ANKRD36: variants seen among roughly 807,000 people sequenced by gnomAD.
The protein encoded by ANKRD36 is ankyrin repeat domain-containing protein 36A.
ANKRD36 carries 179 observed loss-of-function variants against 278.1 expected under a neutral mutation model. The observed-to-expected ratio is 0.64, with a 90% CI of 0.57 to 0.73. ANKRD36 has a LOEUF of 0.73. Among genes scored for constraint, ANKRD36 ranks in the 30% least tolerant of loss-of-function variants. The pLI is 0.00. For missense variants in ANKRD36, 1,159 were observed against 1,956.7 expected (o/e 0.59, Z 7.69); for synonymous variants, 320 against 641.1 (o/e 0.50, Z 7.57).
chr2:97,227,943 T>G (rs1208118779), intron 67 of ANKRD36, among the ~76,000 whole-genome samples: 13 of 152,126 alleles, frequency 8.5e-5, no homozygotes, highest in East Asian at 3.9e-4. Flanking sequence ...TACATTTATT[T>G]ATTTGCGTAT....
At chr2:97,226,707 A>G (rs752253390) in intron 67 of ANKRD36, among the ~76,000 whole-genome samples, 2,039 of 151,478 alleles carry the variant, frequency 0.013, no homozygotes, top group African/African-American at 0.024. Flanking sequence ...GCCCATGCCT[A>G]TGTCCTGAAT....
At chr2:97,136,440 A>AG (rs1265282320) in intron 6 of ANKRD36, among the ~76,000 whole-genome samples, 2 of 151,454 alleles carry the variant, frequency 1.3e-5, no homozygotes, top group South Asian at 2.1e-4. Flanking sequence ...CAAACCAAAG[A>AG]GGGGGTCCTG....
In ANKRD36 at chr2:97,211,578, A is replaced by T. The variant is rs1160868710; in HGVS notation, c.3396+4A>T. The T allele has an allele frequency of 1.2e-6, 2 of 1,606,960 alleles. No individual in the cohort carries two copies. The highest frequency in any genetic ancestry group is 2.7e-5 in the African/African-American group (2 of 74,630). ...TCCGAAACAACCAGCATTGAAGGTA[A>T]TTAAGCTCTCATTTATATTTTGAAC... On this transcript the variant is annotated splice_donor_region_variant and intron_variant, in intron 57 of 75. Coordinates refer to ENST00000420699, the MANE Select transcript of ANKRD36 (RefSeq NM_001354587.1).
chr2:97,226,371 G>C (rs1451618934), intron 67 of ANKRD36, among the ~76,000 whole-genome samples: 1 of 151,750 alleles, frequency 6.6e-6, no homozygotes, highest in Non-Finnish European at 1.5e-5. Context: ...TTCTCTGATG[G>C]CCAGTGATGG....
intron 67 of ANKRD36, 118 bp from the exon 68 acceptor site, chr2:97,233,612 G>C: frequency 6.6e-7 from 1 of 1,525,010 alleles, no homozygotes; most frequent in Non-Finnish European, 8.8e-7. Flanking sequence ...AAAAAAGTAC[G>C]GAACAGGTAC....
At chr2:97,143,176 G>C (rs2043352406) in intron 8 of ANKRD36, among the ~76,000 whole-genome samples, 1 of 151,886 alleles carries the variant, frequency 6.6e-6, no homozygotes, top group Non-Finnish European at 1.5e-5. Flanking sequence ...AAAATTATAG[G>C]TGTCAGATCA....
At chr2:97,178,720 C>G (rs1034617622) in intron 22 of ANKRD36, among the ~76,000 whole-genome samples, 1 of 151,082 alleles carries the variant, frequency 6.6e-6, no homozygotes. Context: ...GGAGATATAC[C>G]TAATGCTAGA....
At position 97,142,830 on chromosome 2, in the gene ANKRD36, G is replaced by C. The variant is rs1186413077; in HGVS notation, c.896G>C (p.Gly299Ala). Residue 299 changes from glycine (G) to alanine (A), a missense_variant, in exon 8 of 76, where the codon GGG becomes GCG. Transcript: ENST00000420699. ...ATEIKDGQKS[G>A]TVSSQKQPAL... is the part of the protein sequence containing the mutation. ...GAAATAAAGGATGGACAAAAATCTG[G>C]GACAGGTATTTTGGAATACACATTT... 1 of 1,559,070 alleles carries C rather than the reference G, an allele frequency of 6.4e-7. No individual in the cohort carries two copies. Among genetic ancestry groups the C allele is most frequent in the South Asian group, 1.2e-5 (1 of 85,158 alleles).
chr2:97,193,613 T>G lies in ANKRD36; in HGVS notation c.2449+560T>G, dbSNP rs183516702. Among the ~76,000 whole-genome samples, 233 of 151,466 alleles carry G rather than the reference T, an allele frequency of 1.5e-3. 1 individual carries two copies. The highest frequency in any genetic ancestry group is 5.4e-3 in the African/African-American group (224 of 41,438). ...TCACTTCAGATGCACTTGGAATATTTTCATAAAAAATATTTGCTTTTGGCT... is the reference window on the plus strand; with the variant it reads ...TCACTTCAGATGCACTTGGAATATTGTCATAAAAAATATTTGCTTTTGGCT... On this transcript the variant is annotated intron_variant, in intron 38 of 75. Coordinates refer to ENST00000420699, the MANE Select transcript of ANKRD36 (RefSeq NM_001354587.1).
In ANKRD36 at chr2:97,181,620, T is replaced by C. The variant is rs2056227424; in HGVS notation, c.1758T>C (p.Ala586=). 3 of 1,602,602 alleles carry C rather than the reference T, an allele frequency of 1.9e-6. No homozygotes were observed. The highest frequency in any genetic ancestry group is 1.1e-5 in the South Asian group (1 of 90,638). ...CAGTGTCTTCTCAGAAACAACCAGC[T>C]GAGAAGGTAATTAAAGTCTCATTTA... ...SGTVSSQKQP[A]EKATSDEKDS... Residue 586 remains alanine (A), a synonymous_variant, in exon 25 of 76, where the codon GCT becomes GCC. Transcript: ENST00000420699.
chr2:97,177,802 G>A (rs2153534320), intron 22 of ANKRD36, among the ~76,000 whole-genome samples: 1 of 152,036 alleles, frequency 6.6e-6, no homozygotes, highest in African/African-American at 2.4e-5. Flanking sequence ...AAAAGCAATG[G>A]CAACAAAAGA....
chr2:97,217,049 A>C, intron 62 of ANKRD36, 128 bp from the exon 63 acceptor site: 1 of 1,509,608 alleles, frequency 6.6e-7, no homozygotes, highest in Non-Finnish European at 9.0e-7. Context: ...CCAGACACAA[A>C]GTAGGAAACA....
intron 6 of ANKRD36, among the ~76,000 whole-genome samples, chr2:97,142,122 G>T (rs2043057880): frequency 6.6e-6 from 1 of 152,292 alleles, no homozygotes; most frequent in Non-Finnish European, 1.5e-5. Flanking sequence ...ATCAATTTAG[G>T]ACACTTCCAC....
chr2:97,170,356 G>T (rs1229194688), intron 22 of ANKRD36, among the ~76,000 whole-genome samples: 4 of 151,864 alleles, frequency 2.6e-5, no homozygotes, highest in African/African-American at 4.8e-5. Context: ...CCAAAACAGA[G>T]CTATAGATCA....
rs1407340381 is a variant in ANKRD36, at chr2:97,202,369, A to T, written c.2935A>T (p.Lys979Ter). Residue 979 changes from lysine to a stop codon, truncating the protein, a stop_gained, in exon 48 of 76, where the codon AAG becomes TAG. Coordinates refer to ENST00000420699, the MANE Select transcript of ANKRD36 (RefSeq NM_001354587.1). LOFTEE classifies it high-confidence loss of function. ...TGTTTTGGGTATAGCCAGAGAAAAC[A>T]AGGATGGAGAAAAATCTAGGACAGG... ...DSVLGIAREN[K>*]DGEKSRTVSS... 1.3e-6 allele frequency: 2 copies of T among 1,556,332 alleles called. No individual in the cohort carries two copies. Among genetic ancestry groups the T allele is most frequent in the Admixed American group, 3.9e-5 (2 of 51,686 alleles).
chr2:97,114,245 G>A (rs1207310520), intron 1 of ANKRD36, among the ~76,000 whole-genome samples: 1 of 122,300 alleles, frequency 8.2e-6, no homozygotes, highest in African/African-American at 3.2e-5. Context: ...TGTGGGGTGG[G>A]GAGATGGGGT....
At position 97,177,818 on chromosome 2, in the gene ANKRD36, T is replaced by C. The variant is rs569384406; in HGVS notation, c.1634-1920T>C. ...AAAGCAATGGCAACAAAAGACAAAA[T>C]TGACAGATGGGATCTAATTAAACTA... On this transcript the variant is annotated intron_variant, in intron 22 of 75. Transcript: ENST00000420699. 5.9e-5 allele frequency among the ~76,000 whole-genome samples: 9 copies of C among 151,914 alleles called. No homozygotes were observed. In the East Asian group the frequency reaches 1.8e-3, roughly 30 times the overall value.
chr2:97,207,194 A>G (rs1161165086), intron 52 of ANKRD36, among the ~76,000 whole-genome samples: 1 of 151,478 alleles, frequency 6.6e-6, no homozygotes, highest in Non-Finnish European at 1.5e-5. Context: ...AAACTAGTGG[A>G]TACAAGAAAC....
intron 52 of ANKRD36, among the ~76,000 whole-genome samples, chr2:97,207,256 C>G (rs1401730931): frequency 6.6e-6 from 1 of 151,416 alleles, no homozygotes; most frequent in African/African-American, 2.4e-5. Flanking sequence ...ATATTATCTA[C>G]TAGGTATCAG....
Sources: gnomAD v4.1 joint callset for allele counts (sites outside exome capture counted in the v4.1 genomes callset) on GRCh38, gnomAD v4.1.1 for gene constraint, MANE v1.5 for transcripts, NCBI Gene and HGNC (gene_info 2026-07-23, HGNC 2026-07-21) for gene names.